HTR1F: variants seen among roughly 807,000 people sequenced by gnomAD.
The protein encoded by HTR1F is 5-hydroxytryptamine receptor 1F.
A neutral mutation model predicts 24.0 loss-of-function variants in HTR1F; 17 were observed. The ratio of observed to expected loss-of-function variants is 0.71; its 90% CI spans 0.48 to 1.06. HTR1F has a LOEUF of 1.06. Among genes scored for constraint, HTR1F ranks in the 50% least tolerant of loss-of-function variants. The pLI, the probability that HTR1F is intolerant of heterozygous loss-of-function variation, is 0.00. For missense variants in HTR1F, 391 were observed against 427.8 expected (o/e 0.91, Z 0.76); for synonymous variants, 186 against 156.8 (o/e 1.19, Z -1.39).
intron 1 of HTR1F, among the ~76,000 whole-genome samples, chr3:87,797,271 G>A (rs1703920278): frequency 6.6e-6 from 1 of 152,128 alleles, no homozygotes; most frequent in Non-Finnish European, 1.5e-5. Flanking sequence ...CATTCACTGG[G>A]GGGTCTTGGG....
At chr3:87,820,207 C>G (rs1380555895) in intron 1 of HTR1F, among the ~76,000 whole-genome samples, 1 of 138,828 alleles carries the variant, frequency 7.2e-6, no homozygotes, top group Non-Finnish European at 1.5e-5. Flanking sequence ...GACAGAGTCT[C>G]GCTCTGTCGC....
chr3:87,853,825 C>T lies in HTR1F; in HGVS notation c.-43+31701C>T, dbSNP rs149817371. On this transcript the variant is annotated intron_variant, in intron 2 of 2. Coordinates refer to ENST00000319595, the MANE Select transcript of HTR1F (RefSeq NM_001322209.2). ...TTCTCTAGTGATCAGGGATATTGAG[C>T]TTTTTCTCATATGGTTGTTGGCCAC... 6.8e-3 allele frequency among the ~76,000 whole-genome samples: 1,032 copies of T among 152,100 alleles called. 19 individuals carry two copies. The highest frequency in any genetic ancestry group is 0.024 in the African/African-American group (986 of 41,510).
chr3:87,986,389 CA>C (rs1705662307), intron 2 of HTR1F, among the ~76,000 whole-genome samples: 1 of 152,144 alleles, frequency 6.6e-6, no homozygotes, highest in Non-Finnish European at 1.5e-5. Context: ...CTAAATTTAA[CA>C]TTAAAAAGAT....
intron 2 of HTR1F, among the ~76,000 whole-genome samples, chr3:87,966,449 C>A: frequency 6.6e-6 from 1 of 152,192 alleles, no homozygotes; most frequent in East Asian, 1.9e-4. Context: ...AAATTGATGG[C>A]TAAATGTGAT....
intron 2 of HTR1F, among the ~76,000 whole-genome samples, chr3:87,914,705 T>A (rs1278548835): frequency 6.6e-6 from 1 of 150,738 alleles, no homozygotes; most frequent in African/African-American, 2.4e-5. Flanking sequence ...CCAAGTAGAG[T>A]CTAAGTTTAA....
intron 2 of HTR1F, among the ~76,000 whole-genome samples, chr3:87,926,104 TAC>T (rs1202151968): frequency 2.0e-5 from 3 of 152,208 alleles, no homozygotes; most frequent in African/African-American, 7.2e-5. Flanking sequence ...CAATCTTTTT[TAC>T]AGAAATGTAA....
rs962945592 is a variant in HTR1F at position 87,862,192 on chromosome 3, G to C, written c.-43+40068G>C. On this transcript the variant is annotated intron_variant, in intron 2 of 2. Coordinates refer to ENST00000319595, the MANE Select transcript of HTR1F (RefSeq NM_001322209.2). ...CATTTTTCTGAAGTGCAAATGTACT[G>C]GTTTTCATTTACCTGAAAATGGCTT... Among the ~76,000 whole-genome samples, 72 of 152,010 alleles carry C rather than the reference G, an allele frequency of 4.7e-4. 2 individuals are homozygous for C. Among genetic ancestry groups the C allele is most frequent in the South Asian group, 2.1e-4 (1 of 4,820 alleles).
In HTR1F at chr3:87,910,276, C is replaced by T. The variant is rs559977318; in HGVS notation, c.-42-80432C>T. 7 of 152,066 alleles carry T rather than the reference C, an allele frequency of 4.6e-5. No homozygotes were observed. In the South Asian group the frequency reaches 1.2e-3, roughly 27 times the overall value. The allele number at this position is 152,066 out of a possible 1,614,324, so 9.4% of individuals were successfully genotyped here. A position where few individuals can be genotyped will look rare whatever the true frequency, so the allele number is the denominator to read the frequency against. The stretch of plus-strand genomic sequence containing the variant: ...CTCCTTGACAAGGATGGAAGAGGCC[C>T]TCGGGCATGACAAGACACATATGGT... On this transcript the variant is annotated intron_variant, in intron 2 of 2. Coordinates refer to ENST00000319595, the MANE Select transcript of HTR1F (RefSeq NM_001322209.2).
chr3:87,798,104 A>C (rs750525333), intron 1 of HTR1F, among the ~76,000 whole-genome samples: 1 of 152,156 alleles, frequency 6.6e-6, no homozygotes, highest in Admixed American at 6.5e-5. Context: ...TCAGGTCTTA[A>C]TGTCATTCGG....
chr3:87,928,810 T>C (rs918318243), intron 2 of HTR1F, among the ~76,000 whole-genome samples: 8 of 152,128 alleles, frequency 5.3e-5, no homozygotes, highest in African/African-American at 1.9e-4. Flanking sequence ...CACTAACTTT[T>C]AAAGAGAGAA....
chr3:87,944,993 CT>C (rs1704660654), intron 2 of HTR1F, among the ~76,000 whole-genome samples: 1 of 152,138 alleles, frequency 6.6e-6, no homozygotes, highest in Non-Finnish European at 1.5e-5. Context: ...TTTACCCTGG[CT>C]TTTAAAGGAA....
intron 2 of HTR1F, among the ~76,000 whole-genome samples, chr3:87,986,026 C>T (rs1480277907): frequency 2.6e-5 from 4 of 152,068 alleles, no homozygotes; most frequent in Non-Finnish European, 4.4e-5. Context: ...GCAGGCTCTA[C>T]TTACAGACTA....
intron 2 of HTR1F, among the ~76,000 whole-genome samples, chr3:87,916,950 C>A (rs553032598): frequency 2.6e-5 from 4 of 152,166 alleles, no homozygotes; most frequent in Non-Finnish European, 4.4e-5. Flanking sequence ...CCAAGATAGA[C>A]CACATGATAG....
Position 87,884,369 on chromosome 3 carries a change from C to A in HTR1F, c.-43+62245C>A, listed in dbSNP as rs1262153116. Among the ~76,000 whole-genome samples the A allele has an allele frequency of 3.9e-5, 6 of 152,136 alleles. No homozygotes were observed. The East Asian group carries it at 1.2e-3, about 29-fold the overall frequency. On this transcript the variant is annotated intron_variant, in intron 2 of 2. Coordinates refer to ENST00000319595, the MANE Select transcript of HTR1F (RefSeq NM_001322209.2). ...AGGAAGCACTAAACATGGAAAGGAA[C>A]AACAGGTTATCAGCCACTGCAAAAC... is the stretch of plus-strand genomic sequence containing the variant.
At chr3:87,880,665 T>G (rs1342451049) in intron 2 of HTR1F, among the ~76,000 whole-genome samples, 1 of 151,900 alleles carries the variant, frequency 6.6e-6, no homozygotes, top group Non-Finnish European at 1.5e-5. Flanking sequence ...TGTGTGTGTG[T>G]GTGTGTGTGT....
At chr3:87,926,840 G>T (rs1704137852) in intron 2 of HTR1F, among the ~76,000 whole-genome samples, 1 of 152,152 alleles carries the variant, frequency 6.6e-6, no homozygotes, top group South Asian at 2.1e-4. Context: ...GGACGACACG[G>T]TGATAGGTAA....
At chr3:87,808,919 C>T (rs1406455997) in intron 1 of HTR1F, among the ~76,000 whole-genome samples, 3 of 151,664 alleles carry the variant, frequency 2.0e-5, no homozygotes, top group Non-Finnish European at 3.0e-5. Flanking sequence ...CAAAGTTTCT[C>T]TTTTTATAGA....
At chr3:87,818,520 G>C (rs148315660) in intron 1 of HTR1F, among the ~76,000 whole-genome samples, 1 of 152,158 alleles carries the variant, frequency 6.6e-6, no homozygotes, top group African/African-American at 2.4e-5. Context: ...GGCTCAAACC[G>C]AAATGTCATC....
At chr3:87,936,882 A>G (rs543647972) in intron 2 of HTR1F, among the ~76,000 whole-genome samples, 2 of 151,340 alleles carry the variant, frequency 1.3e-5, no homozygotes, top group African/African-American at 2.5e-5. Context: ...TCTAGAAGAG[A>G]CAAAGAAATT....
Sources: allele counts gnomAD v4.1 joint callset (sites outside exome capture counted in the v4.1 genomes callset), GRCh38; gene constraint gnomAD v4.1.1; transcripts MANE v1.5; gene names NCBI Gene and HGNC (gene_info 2026-07-23, HGNC 2026-07-21).